ZNF284: variants seen among roughly 807,000 people sequenced by gnomAD.
The protein encoded by ZNF284 is zinc finger protein 284.
A neutral mutation model predicts 12.9 loss-of-function variants in ZNF284; 12 were observed. The ratio of observed to expected loss-of-function variants is 0.93; its 90% CI spans 0.60 to 1.51. ZNF284 has a LOEUF of 1.51. Among genes scored for constraint, ZNF284 ranks in the 40% most tolerant of loss-of-function variants. The probability of loss-of-function intolerance (pLI) is 0.00; values close to 1 mark genes in which losing one functional copy is unlikely to be tolerated. For synonymous variants in ZNF284, 225 were observed against 236.5 expected (o/e 0.95, Z 0.45); for missense variants, 667 against 707.3 (o/e 0.94, Z 0.65).
At chr19:44,079,677 C>T (rs1967088751) in intron 2 of ZNF284, among the ~76,000 whole-genome samples, 1 of 151,880 alleles carries the variant, frequency 6.6e-6, no homozygotes, top group Admixed American at 6.6e-5. Context: ...CACTGCACTC[C>T]AGCCTGGGGA....
intron 4 of ZNF284, among the ~76,000 whole-genome samples, chr19:44,083,450 A>AATATATATATATATATAT (rs1290254473): frequency 8.3e-5 from 5 of 60,356 alleles, no homozygotes; most frequent in South Asian, 1.5e-3. Flanking sequence ...TAAATAAAGA[A>AATATATATATATATATAT]ATATATATAT....
chr19:44,083,444 TAAAG>T lies in ZNF284; in HGVS notation c.235+1343_235+1346del, dbSNP rs1418293769. Among the ~76,000 whole-genome samples the T allele has an allele frequency of 4.4e-4, 28 of 64,360 alleles. 1 individual carries two copies. The highest frequency in any genetic ancestry group is 1.3e-3 in the African/African-American group (26 of 20,540). The allele number at this position is 64,360 out of a possible 152,430, so 42.2% of individuals were successfully genotyped here. On this transcript the variant is annotated intron_variant, in intron 4 of 4. Transcript: ENST00000421176. ...ATGAGACTCTGTCTCAAAAAATAAA[TAAAG>T]AAATATATATATATATATATATATA...
chr19:44,084,207 G>A (rs1008120358), intron 4 of ZNF284, among the ~76,000 whole-genome samples: 5 of 152,196 alleles, frequency 3.3e-5, no homozygotes, highest in Non-Finnish European at 7.4e-5. Context: ...TAGGTCCCCA[G>A]ATGGCATGCT....
At chr19:44,084,684 G>A (rs1967196750) in intron 4 of ZNF284, among the ~76,000 whole-genome samples, 1 of 152,150 alleles carries the variant, frequency 6.6e-6, no homozygotes, top group East Asian at 1.9e-4. Context: ...GATTGCTGGG[G>A]ACTCTGCCAT....
chr19:44,084,985 G>A (rs1165900925), intron 4 of ZNF284, among the ~76,000 whole-genome samples: 1 of 152,110 alleles, frequency 6.6e-6, no homozygotes, highest in Non-Finnish European at 1.5e-5. Context: ...GCTGATTGCT[G>A]GAGTGCACAG....
At position 44,085,768 on chromosome 19, in the gene ZNF284, A is replaced by C. The variant is rs1967222427; in HGVS notation, c.290A>C (p.Glu97Ala). The C allele has an allele frequency of 6.2e-7, 1 of 1,614,192 alleles. No homozygotes were observed. The highest frequency in any genetic ancestry group is 1.7e-5 in the Admixed American group (1 of 60,032). Residue 97 changes from glutamate (E) to alanine (A), a missense_variant, in exon 5 of 5, where the codon GAG (glutamate) becomes GCG (alanine). Glu to Ala is a moderately radical substitution (Grantham distance 107, BLOSUM62 -1). Transcript: ENST00000421176. Reference sequence around the variant, plus strand: ...GTTCCAGAAACAGGACCACATGAAGAGTGGTCTTGCCAGCAAATCTGGGAA... The same window carrying C: ...GTTCCAGAAACAGGACCACATGAAGCGTGGTCTTGCCAGCAAATCTGGGAA... ...ESVPETGPHE[E>A]WSCQQIWEQT...
rs1967256578 is a variant in ZNF284, at chr19:44,086,669, A to G, written c.1191A>G (p.Thr397=). The part of the protein sequence containing the change: ...SRHQRVHNGE[T]TFKCDGCGKR... ...ATCAGCGGGTCCACAATGGAGAAAC[A>G]ACATTCAAGTGCGACGGATGTGGGA... Residue 397 remains threonine, a synonymous_variant, in exon 5 of 5, where the codon ACA becomes ACG. Coordinates refer to ENST00000421176, the MANE Select transcript of ZNF284 (RefSeq NM_001037813.4). The G allele has an allele frequency of 6.2e-7, 1 of 1,614,150 alleles. No individual in the cohort carries two copies. The highest frequency in any genetic ancestry group is 1.7e-5 in the Admixed American group (1 of 60,028).
rs747316831 is a variant in ZNF284 at position 44,086,005 on chromosome 19, C to T, written c.527C>T (p.Thr176Ile). 4 of 1,614,014 alleles carry T rather than the reference C, an allele frequency of 2.5e-6. No individual in the cohort carries two copies. In the African/African-American group the frequency reaches 5.3e-5, roughly 22 times the overall value. ...TTACACTCAGGAAAGATATCCCATACATGTAATGAGTACAGGAAGAGATTC... is the reference window on the plus strand; with the variant it reads ...TTACACTCAGGAAAGATATCCCATATATGTAATGAGTACAGGAAGAGATTC... ...QQLHSGKISH[T>I]CNEYRKRFCY... Residue 176 changes from threonine to isoleucine, a missense_variant, in exon 5 of 5, where the codon ACA becomes ATA. Transcript: ENST00000421176.
rs1211612158 is a variant in ZNF284 at position 44,086,578 on chromosome 19, G to A, written c.1100G>A (p.Gly367Glu). 1 of 1,614,190 alleles carries A rather than the reference G, an allele frequency of 6.2e-7. No individual in the cohort carries two copies. The highest frequency in any genetic ancestry group is 1.7e-5 in the Admixed American group (1 of 60,016). ...TGTAAGCATCAGATGGACCATACAG[G>A]AGACAAACCATATAATTGTAATGTA... ...DLCKHQMDHT[G>E]DKPYNCNVCG... Residue 367 changes from glycine (G) to glutamate (E), a missense_variant, in exon 5 of 5, where the codon GGA becomes GAA. By Grantham distance (98) the Gly-to-Glu change is moderately conservative. Coordinates refer to ENST00000421176, the MANE Select transcript of ZNF284 (RefSeq NM_001037813.4).
At position 44,085,756 on chromosome 19, in the gene ZNF284, G is replaced by A. The variant is rs200347089; in HGVS notation, c.278G>A (p.Gly93Glu). 5.0e-4 allele frequency: 814 copies of A among 1,614,020 alleles called. 2 individuals carry two copies. The highest frequency in any genetic ancestry group is 6.3e-4 in the Non-Finnish European group (740 of 1,179,952). ...GAGTTGGAGTCTGTTCCAGAAACAGGACCACATGAAGAGTGGTCTTGCCAG... is the reference window on the plus strand; with the variant it reads ...GAGTTGGAGTCTGTTCCAGAAACAGAACCACATGAAGAGTGGTCTTGCCAG... Reference protein sequence around the residue: ...QTELESVPETGPHEEWSCQQI... With the variant: ...QTELESVPETEPHEEWSCQQI... Residue 93 changes from glycine (G) to glutamate (E), a missense_variant, in exon 5 of 5, where the codon GGA becomes GAA. Coordinates refer to ENST00000421176, the MANE Select transcript of ZNF284 (RefSeq NM_001037813.4).
At chr19:44,074,041 A>ATT (rs375099631) in intron 1 of ZNF284, among the ~76,000 whole-genome samples, 3 of 147,512 alleles carry the variant, frequency 2.0e-5, no homozygotes, top group Admixed American at 6.8e-5. Context: ...TCGTTATCTC[A>ATT]TTTTTTTTTT....
intron 4 of ZNF284, among the ~76,000 whole-genome samples, chr19:44,083,387 T>C (rs1415876231): frequency 6.7e-6 from 1 of 148,776 alleles, no homozygotes; most frequent in East Asian, 2.0e-4. Context: ...TGAGCTGGGA[T>C]TGTGCCACTA....
chr19:44,078,997 C>T (rs1358761926), intron 2 of ZNF284, among the ~76,000 whole-genome samples: 1 of 151,816 alleles, frequency 6.6e-6, no homozygotes, highest in Non-Finnish European at 1.5e-5. Flanking sequence ...TGCTATGTTG[C>T]CAAGGCTGGT....
In ZNF284 at chr19:44,076,405, G is replaced by A; in HGVS notation, c.15+1G>A. 1 of 1,609,488 alleles carries A rather than the reference G, an allele frequency of 6.2e-7. No individual in the cohort carries two copies. Among genetic ancestry groups the A allele is most frequent in the Admixed American group, 1.7e-5 (1 of 59,424 alleles). ...AGGAGGAAAAATGACCATGTTCAAG[G>A]TGAGTAAGTCTGGTCTCTTTTGCTG... On this transcript the variant is annotated splice_donor_variant, in intron 2 of 4. Transcript: ENST00000421176. LOFTEE classifies it high-confidence loss of function.
chr19:44,085,566 GACA>G lies in ZNF284; in HGVS notation c.236-145_236-143del, dbSNP rs1269310784. 2.5e-5 allele frequency: 17 copies of G among 684,496 alleles called. No homozygotes were observed. In the Admixed American group the frequency reaches 2.5e-4, roughly 10 times the overall value. 42.4% of individuals were successfully genotyped at this position (684,496 alleles called of 1,614,324 possible). ...TTATGTCATTCAAAATTGGTTTCGT[GACA>G]ACGAGAGACCGTGGTGCACTTGGAA... On this transcript the variant is annotated intron_variant, in intron 4 of 4. Coordinates refer to ENST00000421176, the MANE Select transcript of ZNF284 (RefSeq NM_001037813.4).
chr19:44,079,492 G>A (rs552782206), intron 2 of ZNF284, among the ~76,000 whole-genome samples: 4 of 152,136 alleles, frequency 2.6e-5, no homozygotes, highest in African/African-American at 9.6e-5. Context: ...GGCGGATCAC[G>A]AGGTGAGGAG....
rs1262363775 is a variant in ZNF284 at position 44,086,398 on chromosome 19, T to C, written c.920T>C (p.Met307Thr). Residue 307 changes from methionine (M) to threonine (T), a missense_variant, in exon 5 of 5, where the codon ATG becomes ACG. Coordinates refer to ENST00000421176, the MANE Select transcript of ZNF284 (RefSeq NM_001037813.4). ...HSRSNLNRHSMVHMQEKSFRC... is the reference protein window; with the variant it reads ...HSRSNLNRHSTVHMQEKSFRC... ...AGATCAAATCTTAATAGGCATTCCATGGTCCACATGCAAGAGAAATCATTT... is the reference window on the plus strand; with the variant it reads ...AGATCAAATCTTAATAGGCATTCCACGGTCCACATGCAAGAGAAATCATTT... The C allele has an allele frequency of 3.1e-6, 5 of 1,613,962 alleles. No individual in the cohort carries two copies. Among genetic ancestry groups the C allele is most frequent in the Non-Finnish European group, 4.2e-6 (5 of 1,179,966 alleles).
chr19:44,080,513 G>A (rs2147500251), intron 2 of ZNF284, among the ~76,000 whole-genome samples: 1 of 152,324 alleles, frequency 6.6e-6, no homozygotes, highest in South Asian at 2.1e-4. Context: ...TTGAATCCAG[G>A]AGGCAGGGGT....
At chr19:44,084,470 T>G (rs1355611608) in intron 4 of ZNF284, among the ~76,000 whole-genome samples, 1 of 152,106 alleles carries the variant, frequency 6.6e-6, no homozygotes, top group Non-Finnish European at 1.5e-5. Context: ...GAAACTTTCC[T>G]CAGAATGAGA....
Sources: allele counts gnomAD v4.1 joint callset (sites outside exome capture counted in the v4.1 genomes callset), GRCh38; gene constraint gnomAD v4.1.1; transcripts MANE v1.5; gene names NCBI Gene and HGNC (gene_info 2026-07-23, HGNC 2026-07-21).